The following KIF20B variants were observed in gnomAD, a reference collection of about 807,000 sequenced individuals.
KIF20B encodes kinesin family member 20B.
KIF20B carries 188 observed loss-of-function variants against 232.5 expected under a neutral mutation model. That is an observed-to-expected ratio of 0.81 (90% CI 0.72 to 0.91). The LOEUF (loss-of-function observed/expected upper bound fraction) is 0.91, where lower values mean the gene tolerates loss of function less well. KIF20B is among the 40% of genes least tolerant of loss of function. The pLI, the probability that KIF20B is intolerant of heterozygous loss-of-function variation, is 0.00. For synonymous variants in KIF20B, 712 were observed against 683.0 expected (o/e 1.04, Z -0.66); for missense variants, 2,154 against 2,055.9 (o/e 1.05, Z -0.92).
In KIF20B at chr10:89,738,041, T is replaced by C. The variant is rs902809215; in HGVS notation, c.3200T>C (p.Ile1067Thr). 6.2e-7 allele frequency: 1 copy of C among 1,613,368 alleles called. No individual in the cohort carries two copies. The highest frequency in any genetic ancestry group is 8.5e-7 in the Non-Finnish European group (1 of 1,179,628). The change falls in exon 20 of 33, where the codon ATT becomes ACT. Residue 1067 changes from isoleucine (I) to threonine (T), a missense_variant. Transcript: ENST00000371728. ...GCTATTTGGGAAGAATGTAAAGAGA[T>C]TGTGAAGGCCTCTTCCAAAAAAAGT... ...IEAIWEECKE[I>T]VKASSKKSHQ...
rs762520052 is a variant in KIF20B at position 89,762,784 on chromosome 10, G to A, written c.4938G>A (p.Val1646=). 1.5e-5 allele frequency: 25 copies of A among 1,613,360 alleles called. No individual in the cohort carries two copies. In the South Asian group the frequency reaches 2.7e-4, roughly 18 times the overall value. Residue 1646 remains valine (V), a synonymous_variant, in exon 29 of 33, where the codon GTG becomes GTA. Coordinates refer to ENST00000371728, the MANE Select transcript of KIF20B (RefSeq NM_001284259.2). The part of the protein sequence containing the change: ...AVKHPGCTTP[V]TVKIPKARKR... ...AACACCCTGGTTGTACCACACCAGT[G>A]ACAGTTAAGATTCCCAAGGCTCGGA...
chr10:89,753,621 GTTTTC>G (rs1842064002), intron 25 of KIF20B, among the ~76,000 whole-genome samples: 1 of 151,976 alleles, frequency 6.6e-6, no homozygotes, highest in African/African-American at 2.4e-5. Flanking sequence ...GATTTTAGAA[GTTTTC>G]TTTTCGTTTT....
chr10:89,742,039 C>A (rs1291928749), intron 21 of KIF20B, among the ~76,000 whole-genome samples: 1 of 151,960 alleles, frequency 6.6e-6, no homozygotes, highest in Non-Finnish European at 1.5e-5. Context: ...GGTAAAAGTT[C>A]TTAACTTAAT....
At position 89,709,369 on chromosome 10, in the gene KIF20B, C is replaced by A; in HGVS notation, c.259C>A (p.Gln87Lys). The A allele has an allele frequency of 6.2e-7, 1 of 1,613,264 alleles. No individual in the cohort carries two copies. The highest frequency in any genetic ancestry group is 8.5e-7 in the Non-Finnish European group (1 of 1,179,578). ...SEGCVHILDS[Q>K]TVVLKEPQCI... ...GGGCTGTGTGCATATTCTGGATTCA[C>A]AGACTGTTGTGCTGAAAGAGCCTCA... Residue 87 changes from glutamine (Q) to lysine (K), a missense_variant, in exon 4 of 33, where the codon CAG becomes AAG. By Grantham distance (53) the Gln-to-Lys change is moderately conservative. Transcript: ENST00000371728.
intron 29 of KIF20B, among the ~76,000 whole-genome samples, chr10:89,765,455 A>C (rs2133173142): frequency 6.6e-6 from 1 of 152,250 alleles, no homozygotes; most frequent in East Asian, 1.9e-4. Flanking sequence ...AAATGGCCAT[A>C]CTGCCCAAGC....
At chr10:89,768,634 G>C (rs1157081776) in intron 30 of KIF20B, 104 bp from the exon 31 acceptor site, 1 of 1,128,806 alleles carries the variant, frequency 8.9e-7, no homozygotes, top group Non-Finnish European at 1.2e-6. Flanking sequence ...TTTCCTACCT[G>C]AGAATTCATA....
chr10:89,740,345 C>T (rs1841769725), intron 21 of KIF20B, among the ~76,000 whole-genome samples: 4 of 151,078 alleles, frequency 2.6e-5, no homozygotes, highest in Admixed American at 2.6e-4. Flanking sequence ...AAGGGATACA[C>T]AGGACAGATT....
At position 89,762,776 on chromosome 10, in the gene KIF20B, A is replaced by G. The variant is rs1471579363; in HGVS notation, c.4930A>G (p.Thr1644Ala). Residue 1644 changes from threonine to alanine, a missense_variant, in exon 29 of 33, where the codon ACA becomes GCA. By Grantham distance (58) the Thr-to-Ala change is moderately conservative. Coordinates refer to ENST00000371728, the MANE Select transcript of KIF20B (RefSeq NM_001284259.2). ...KMAVKHPGCTTPVTVKIPKAR... is the reference protein window; with the variant it reads ...KMAVKHPGCTAPVTVKIPKAR... ...GGCAGTGAAACACCCTGGTTGTACCACACCAGTGACAGTTAAGATTCCCAA... is the reference window on the plus strand; with the variant it reads ...GGCAGTGAAACACCCTGGTTGTACCGCACCAGTGACAGTTAAGATTCCCAA... 1 of 1,613,256 alleles carries G rather than the reference A, an allele frequency of 6.2e-7. No individual in the cohort carries two copies. Among genetic ancestry groups the G allele is most frequent in the African/African-American group, 1.3e-5 (1 of 74,876 alleles).
Position 89,729,178 on chromosome 10 carries a change from T to A in KIF20B, c.2322T>A (p.Asp774Glu). Residue 774 changes from aspartate to glutamate, a missense_variant, in exon 18 of 33, where the codon GAT becomes GAA. Asp to Glu is a conservative substitution (Grantham distance 45). Coordinates refer to ENST00000371728, the MANE Select transcript of KIF20B (RefSeq NM_001284259.2). ...TTAAAGAATTGATAAATATAATTGA[T>A]CAAAAAGAAGATACTATCAACGAAT... ...QRIKELINII[D>E]QKEDTINEFQ... is the part of the protein sequence containing the mutation. 1 of 1,471,470 alleles carries A rather than the reference T, an allele frequency of 6.8e-7. No homozygotes were observed. The highest frequency in any genetic ancestry group is 9.1e-7 in the Non-Finnish European group (1 of 1,095,182). 91.2% of individuals were successfully genotyped at this position (1,471,470 alleles called of 1,614,324 possible).
intron 19 of KIF20B, 167 bp downstream of exon 19, chr10:89,733,223 C>T (rs1439919277): frequency 4.8e-6 from 3 of 619,266 alleles, no homozygotes; most frequent in Non-Finnish European, 5.6e-6. Context: ...TAGGGATGGG[C>T]ATAGTTAAAG....
intron 1 of KIF20B, among the ~76,000 whole-genome samples, chr10:89,703,782 C>G: frequency 7.1e-6 from 1 of 140,282 alleles, no homozygotes; most frequent in Middle Eastern, 3.8e-3. Context: ...TTGACGCAGT[C>G]TTGCTCTGTG....
chr10:89,724,590 C>T (rs1843139973), intron 14 of KIF20B, among the ~76,000 whole-genome samples: 1 of 152,026 alleles, frequency 6.6e-6, no homozygotes, highest in Non-Finnish European at 1.5e-5. Flanking sequence ...TAAATTTTCT[C>T]TCTTTTTTAA....
chr10:89,711,256 T>C, intron 6 of KIF20B, 111 bp downstream of exon 6: 1 of 625,300 alleles, frequency 1.6e-6, no homozygotes, highest in Non-Finnish European at 2.5e-6. Context: ...GTGTTTTTTG[T>C]TATTATTTAT....
chr10:89,760,712 G>T, intron 28 of KIF20B, 76 bp downstream of exon 28: 1 of 870,252 alleles, frequency 1.1e-6, no homozygotes, highest in Non-Finnish European at 1.9e-6. Context: ...CAAGTAAGTT[G>T]CTGAAGATAC....
At chr10:89,759,973 T>A (rs762207133) in intron 27 of KIF20B, among the ~76,000 whole-genome samples, 7 of 152,154 alleles carry the variant, frequency 4.6e-5, no homozygotes, top group Non-Finnish European at 8.8e-5. Context: ...GAAATAGAAC[T>A]TTATGACTGA....
intron 23 of KIF20B, among the ~76,000 whole-genome samples, chr10:89,746,673 C>T (rs910185414): frequency 5.9e-5 from 9 of 152,162 alleles, no homozygotes; most frequent in Admixed American, 5.2e-4. Context: ...GGCACAGGCC[C>T]GAGGGTGGAG....
intron 26 of KIF20B, among the ~76,000 whole-genome samples, chr10:89,756,984 T>A (rs1187369319): frequency 6.6e-6 from 1 of 150,742 alleles, no homozygotes; most frequent in Non-Finnish European, 1.5e-5. Flanking sequence ...TAAACATTTT[T>A]ATACATTTGT....
intron 32 of KIF20B, among the ~76,000 whole-genome samples, chr10:89,773,061 A>G (rs915379370): frequency 2.0e-5 from 3 of 152,098 alleles, no homozygotes; most frequent in Admixed American, 6.6e-5. Context: ...TTTATTTCCA[A>G]TAATAGAATT....
intron 29 of KIF20B, chr10:89,766,290 A>G (rs1842357274): frequency 6.5e-6 from 1 of 152,706 alleles, no homozygotes; most frequent in Non-Finnish European, 1.5e-5. Flanking sequence ...CTCCAAAGGA[A>G]TGCAGTTCCT....
Sources: allele counts gnomAD v4.1 joint callset (sites outside exome capture counted in the v4.1 genomes callset), GRCh38; gene constraint gnomAD v4.1.1; transcripts MANE v1.5; gene names NCBI Gene and HGNC (gene_info 2026-07-23, HGNC 2026-07-21).